Variants in BNC2 observed in about 807,000 individuals in gnomAD.
The protein encoded by BNC2 is basonuclin zinc finger protein 2.
A neutral mutation model predicts 76.3 loss-of-function variants in BNC2; 20 were observed. The observed-to-expected ratio is 0.26, with a 90% CI of 0.18 to 0.38. BNC2 has a LOEUF of 0.38. Ranked by LOEUF, BNC2 falls within the 10% of genes least tolerant of loss-of-function variation. BNC2 has a pLI of 1.00. For missense variants in BNC2, 1,382 were observed against 1,399.8 expected (o/e 0.99, Z 0.20); for synonymous variants, 582 against 514.8 (o/e 1.13, Z -1.77).
At chr9:16,497,253 T>A (rs773854860) in intron 5 of BNC2, among the ~76,000 whole-genome samples, 2 of 152,220 alleles carry the variant, frequency 1.3e-5, no homozygotes, top group Non-Finnish European at 2.9e-5. Context: ...AATTTCTAGA[T>A]ATTGCAGAAA....
chr9:16,465,309 G>A (rs201366013), intron 5 of BNC2, among the ~76,000 whole-genome samples: 12 of 151,968 alleles, frequency 7.9e-5, no homozygotes, highest in African/African-American at 2.7e-4. Flanking sequence ...GGTGGCAGGC[G>A]CCTGTAGTCC....
At chr9:16,797,587 G>C (rs1462486117) in intron 1 of BNC2, among the ~76,000 whole-genome samples, 1 of 152,078 alleles carries the variant, frequency 6.6e-6, no homozygotes, top group Non-Finnish European at 1.5e-5. Flanking sequence ...CTGGAGGCTA[G>C]GTATGCATCT....
intron 6 of BNC2, among the ~76,000 whole-genome samples, chr9:16,423,471 C>A (rs1203892822): frequency 6.6e-6 from 1 of 152,160 alleles, no homozygotes; most frequent in Non-Finnish European, 1.5e-5. Flanking sequence ...TGGTCCAAAC[C>A]TTAGCCCCAG....
intron 4 of BNC2, among the ~76,000 whole-genome samples, chr9:16,556,034 T>G (rs1818818926): frequency 6.6e-6 from 1 of 152,176 alleles, no homozygotes; most frequent in South Asian, 2.1e-4. Flanking sequence ...GTGCAGTGGC[T>G]CACACCTGTA....
chr9:16,723,723 G>C (rs370079689), intron 3 of BNC2, among the ~76,000 whole-genome samples: 3 of 152,112 alleles, frequency 2.0e-5, no homozygotes, highest in African/African-American at 7.2e-5. Flanking sequence ...CTTTTACTCT[G>C]TCATATCTCT....
chr9:16,866,662 TTA>T (rs370431722), intron 1 of BNC2, among the ~76,000 whole-genome samples: 3,767 of 131,260 alleles, frequency 0.029, 179 homozygotes, highest in East Asian at 0.18. Flanking sequence ...TCTGTCACTT[TTA>T]AAAAAAAAAA....
intron 1 of BNC2, among the ~76,000 whole-genome samples, chr9:16,804,212 A>G (rs1435528807): frequency 6.6e-6 from 1 of 152,264 alleles, no homozygotes; most frequent in Admixed American, 6.5e-5. Flanking sequence ...ATCATAAAAT[A>G]ATTTTATTCT....
rs1022856996 is a variant in BNC2, at chr9:16,660,212, C to A, written c.330+67585G>T. On this transcript the variant is annotated intron_variant, in intron 3 of 6. Transcript: ENST00000380672. The stretch of plus-strand genomic sequence containing the variant: ...GCTCAAGCCTGTAATCCCAGCACTT[C>A]GGGAGGCCGAGTCGGGCGGATCACC... Among the ~76,000 whole-genome samples the A allele has an allele frequency of 7.9e-5, 12 of 152,178 alleles. No individual in the cohort carries two copies. The East Asian group carries it at 1.6e-3, about 20-fold the overall frequency.
At chr9:16,445,494 T>C (rs1587035466) in intron 5 of BNC2, among the ~76,000 whole-genome samples, 1 of 149,056 alleles carries the variant, frequency 6.7e-6, no homozygotes, top group East Asian at 2.0e-4. Context: ...AATTAGAACT[T>C]TTTTTTTTTT....
chr9:16,773,987 T>C (rs1825897278), intron 1 of BNC2, among the ~76,000 whole-genome samples: 1 of 152,094 alleles, frequency 6.6e-6, no homozygotes, highest in Admixed American at 6.5e-5. Flanking sequence ...TGTTTTGTTT[T>C]GTTTTGTTTT....
chr9:16,431,675 G>C (rs1054912592), intron 6 of BNC2, among the ~76,000 whole-genome samples: 1 of 152,186 alleles, frequency 6.6e-6, no homozygotes, highest in Non-Finnish European at 1.5e-5. Context: ...AGTCACCTTA[G>C]AGCAGCAGTC....
At chr9:16,850,205 G>T (rs760194237) in intron 1 of BNC2, among the ~76,000 whole-genome samples, 26 of 152,116 alleles carry the variant, frequency 1.7e-4, no homozygotes, top group Non-Finnish European at 3.1e-4. Flanking sequence ...ACTTAGAATA[G>T]AAAAAATTCA....
rs146485986 is a variant in BNC2 at position 16,503,406 on chromosome 9, TCTAA to T, written c.669+49120_669+49123del. Reference sequence around the variant, plus strand: ...CTCTAATTCATGCCCTCACAATCCATCTAACTTTTTTTTTACTCATTTTTGTTTC... The same window carrying T: ...CTCTAATTCATGCCCTCACAATCCATCTTTTTTTTTACTCATTTTTGTTTC... On this transcript the variant is annotated intron_variant, in intron 5 of 6. Transcript: ENST00000380672. Among the ~76,000 whole-genome samples, 1,208 of 152,176 alleles carry T rather than the reference TCTAA, an allele frequency of 7.9e-3. 13 individuals are homozygous for T. The highest frequency in any genetic ancestry group is 0.027 in the African/African-American group (1,139 of 41,474).
At chr9:16,657,322 T>G (rs1384212430) in intron 3 of BNC2, among the ~76,000 whole-genome samples, 2 of 152,046 alleles carry the variant, frequency 1.3e-5, no homozygotes, top group East Asian at 3.9e-4. Context: ...AATGAAGAGT[T>G]AGAAAATCCA....
chr9:16,828,402 C>T (rs929448186), intron 1 of BNC2, among the ~76,000 whole-genome samples: 5 of 152,154 alleles, frequency 3.3e-5, no homozygotes, highest in Admixed American at 1.3e-4. Flanking sequence ...TAAGCATAAA[C>T]CCTTCCCATG....
At chr9:16,818,682 T>C (rs960937251) in intron 1 of BNC2, among the ~76,000 whole-genome samples, 2 of 151,732 alleles carry the variant, frequency 1.3e-5, no homozygotes, top group South Asian at 4.2e-4. Flanking sequence ...TGGAGAAGAG[T>C]CTGAACTAGT....
chr9:16,702,022 T>C (rs1823530512), intron 3 of BNC2, among the ~76,000 whole-genome samples: 1 of 149,480 alleles, frequency 6.7e-6, no homozygotes, highest in African/African-American at 2.4e-5. Context: ...GAAAACATAA[T>C]CCTGGGCTAA....
At chr9:16,688,561 A>G (rs1461130800) in intron 3 of BNC2, among the ~76,000 whole-genome samples, 1 of 152,218 alleles carries the variant, frequency 6.6e-6, no homozygotes, top group Non-Finnish European at 1.5e-5. Context: ...CATACTTGAC[A>G]TACTATATAG....
chr9:16,792,238 T>C (rs980732464), intron 1 of BNC2, among the ~76,000 whole-genome samples: 10 of 25,098 alleles, frequency 4.0e-4, no homozygotes, highest in African/African-American at 1.0e-3. Flanking sequence ...AGTTGCATTA[T>C]AACCCCCATT....
Sources: gnomAD v4.1 joint callset for allele counts (sites outside exome capture counted in the v4.1 genomes callset) on GRCh38, gnomAD v4.1.1 for gene constraint, MANE v1.5 for transcripts, NCBI Gene and HGNC (gene_info 2026-07-23, HGNC 2026-07-21) for gene names.